RBFOX3: variants seen among roughly 807,000 people sequenced by gnomAD.
RBFOX3 encodes RNA binding protein fox-1 homolog 3.
A neutral mutation model predicts 48.7 loss-of-function variants in RBFOX3; 17 were observed. The ratio of observed to expected loss-of-function variants is 0.35; its 90% CI spans 0.24 to 0.52. The LOEUF is 0.52. Among genes scored for constraint, RBFOX3 ranks in the 20% least tolerant of loss-of-function variants. The pLI is 0.94. For missense variants in RBFOX3, 382 were observed against 497.5 expected (o/e 0.77, Z 2.21); for synonymous variants, 212 against 209.5 (o/e 1.01, Z -0.10).
intron 4 of RBFOX3, among the ~76,000 whole-genome samples, chr17:79,159,040 G>A (rs934710437): frequency 6.6e-6 from 1 of 152,232 alleles, no homozygotes; most frequent in Non-Finnish European, 1.5e-5. Flanking sequence ...CTCACAGACA[G>A]AGACACCAAG....
chr17:79,141,715 A>G (rs879915888), intron 4 of RBFOX3, among the ~76,000 whole-genome samples: 2 of 152,140 alleles, frequency 1.3e-5, no homozygotes, highest in Non-Finnish European at 2.9e-5. Context: ...CTGTTTCCTC[A>G]TCTGTAAAGC....
At chr17:79,578,074 T>C (rs2092922266) in intron 1 of RBFOX3, among the ~76,000 whole-genome samples, 1 of 152,208 alleles carries the variant, frequency 6.6e-6, no homozygotes, top group Non-Finnish European at 1.5e-5. Flanking sequence ...CTGCTGGCTT[T>C]CCGGATGGGC....
chr17:79,375,405 C>T (rs1334325996), intron 2 of RBFOX3, among the ~76,000 whole-genome samples: 1 of 110,294 alleles, frequency 9.1e-6, no homozygotes, highest in Admixed American at 9.4e-5. Flanking sequence ...ACACACGAAG[C>T]TCTTCAGTGC....
chr17:79,161,608 T>G (rs190737122), intron 4 of RBFOX3, among the ~76,000 whole-genome samples: 89 of 152,244 alleles, frequency 5.8e-4, no homozygotes, highest in South Asian at 1.5e-3. Context: ...GTGTGTGTGT[T>G]TTTTTGAGAC....
At chr17:79,377,185 C>G (rs1242481533) in intron 2 of RBFOX3, among the ~76,000 whole-genome samples, 2 of 152,084 alleles carry the variant, frequency 1.3e-5, no homozygotes, top group Non-Finnish European at 2.9e-5. Context: ...TTTGTCTAGA[C>G]ACACAGAGCA....
intron 3 of RBFOX3, among the ~76,000 whole-genome samples, chr17:79,241,716 T>TG (rs2062407647): frequency 6.6e-6 from 1 of 152,236 alleles, no homozygotes; most frequent in African/African-American, 2.4e-5. Context: ...TTCTGGAGGC[T>TG]GGAAGTCTGT....
chr17:79,664,685 TACCTGGCCATTGTTGTATAGCCACC>T, the RBFOX3 span, among the ~76,000 whole-genome samples: 2 of 152,140 alleles, frequency 1.3e-5, no homozygotes, highest in African/African-American at 4.8e-5. Flanking sequence ...TCAGTGGCAT[TACCTGGCCATTGTTGTATAGCCACC>T]ACCTGTCCAT....
intron 4 of RBFOX3, among the ~76,000 whole-genome samples, chr17:79,180,801 C>A (rs1441428474): frequency 6.6e-6 from 1 of 151,984 alleles, no homozygotes; most frequent in African/African-American, 2.4e-5. Flanking sequence ...ACCACCCCAG[C>A]AGAACAGCCG....
chr17:79,160,282 C>T (rs2046713066), intron 4 of RBFOX3, among the ~76,000 whole-genome samples: 2 of 152,230 alleles, frequency 1.3e-5, no homozygotes, highest in South Asian at 4.1e-4. Flanking sequence ...TTTCTCTGCA[C>T]CCAAGGGGTG....
At chr17:79,546,469 G>A (rs12603858) in intron 1 of RBFOX3, among the ~76,000 whole-genome samples, 34,253 of 151,830 alleles carry the variant, frequency 0.23, 4,801 homozygotes, top group East Asian at 0.49. Flanking sequence ...AGAGCAAGAC[G>A]ACTCCCTAAA....
At chr17:79,621,930 G>A in the RBFOX3 span, among the ~76,000 whole-genome samples, 1 of 152,192 alleles carries the variant, frequency 6.6e-6, no homozygotes, top group African/African-American at 2.4e-5. Flanking sequence ...AATCCGGGGA[G>A]AAGGATAAGG....
chr17:79,562,085 T>C (rs2092259113), intron 1 of RBFOX3, among the ~76,000 whole-genome samples: 1 of 152,254 alleles, frequency 6.6e-6, no homozygotes, highest in African/African-American at 2.4e-5. Context: ...GTCTGTGACA[T>C]GCATTAGCAA....
chr17:79,513,154 A>C (rs1386920885), intron 1 of RBFOX3, among the ~76,000 whole-genome samples: 1 of 141,816 alleles, frequency 7.1e-6, no homozygotes, highest in Non-Finnish European at 1.5e-5. Context: ...ACAGTCCTAT[A>C]GCCAGGGGAC....
chr17:79,275,123 C>CTCTCTCTCTCT (rs2068516595), intron 3 of RBFOX3, among the ~76,000 whole-genome samples: 2 of 130,594 alleles, frequency 1.5e-5, no homozygotes, highest in African/African-American at 3.0e-5. Context: ...TCCATGTCTC[C>CTCTCTCTCTCT]CTCTCTCTCT....
At chr17:79,271,865 G>T (rs1372989500) in intron 3 of RBFOX3, among the ~76,000 whole-genome samples, 1 of 152,224 alleles carries the variant, frequency 6.6e-6, no homozygotes. Context: ...GAGTTCCCCG[G>T]GGGCTCCCCA....
At chr17:79,659,364 G>C in the RBFOX3 span, among the ~76,000 whole-genome samples, 4 of 152,190 alleles carry the variant, frequency 2.6e-5, no homozygotes, top group Non-Finnish European at 2.9e-5. Flanking sequence ...GTTGTGGATA[G>C]ATAGGGCAGG....
chr17:79,541,257 T>A (rs1555790221), intron 1 of RBFOX3, among the ~76,000 whole-genome samples: 1 of 151,972 alleles, frequency 6.6e-6, no homozygotes, highest in East Asian at 1.9e-4. Flanking sequence ...AAGCTAAGGG[T>A]ATATTTATGC....
At chr17:79,652,872 T>G in the RBFOX3 span, among the ~76,000 whole-genome samples, 1 of 151,956 alleles carries the variant, frequency 6.6e-6, no homozygotes, top group Non-Finnish European at 1.5e-5. Flanking sequence ...CCATTCCAAG[T>G]GTCCAAACAA....
chr17:79,420,960 G>A lies in RBFOX3; in HGVS notation c.-175+61494C>T, dbSNP rs1001674179. 2.4e-4 allele frequency among the ~76,000 whole-genome samples: 36 copies of A among 152,312 alleles called. No individual in the cohort carries two copies. In the Middle Eastern group the frequency reaches 0.01, roughly 43 times the overall value. ...TGTACACCTCCCAAGCCGCCATGAT[G>A]AAGCTGGTGAAGACTCGGGCATGGA... On this transcript the variant is annotated intron_variant, in intron 2 of 14. Coordinates refer to ENST00000693108, the MANE Select transcript of RBFOX3 (RefSeq NM_001350451.2).
Sources: allele counts gnomAD v4.1 joint callset (sites outside exome capture counted in the v4.1 genomes callset), GRCh38; gene constraint gnomAD v4.1.1; transcripts MANE v1.5; gene names NCBI Gene and HGNC (gene_info 2026-07-23, HGNC 2026-07-21).